Variants in MBNL2 observed in about 807,000 individuals in gnomAD.
MBNL2 encodes muscleblind like splicing regulator 2, also known as muscleblind-like protein 2.
Under a neutral mutation model 41.9 loss-of-function variants are expected in MBNL2, and 17 were observed. That is an observed-to-expected ratio of 0.41 (90% CI 0.28 to 0.61). The LOEUF (loss-of-function observed/expected upper bound fraction) is 0.61, where lower values mean the gene tolerates loss of function less well. Among genes scored for constraint, MBNL2 ranks in the 20% least tolerant of loss-of-function variants. The pLI is 0.35. For missense variants in MBNL2, 336 were observed against 505.6 expected (o/e 0.66, Z 3.22); for synonymous variants, 195 against 182.9 (o/e 1.07, Z -0.53).
the MBNL2 span, among the ~76,000 whole-genome samples, chr13:97,143,312 T>C: frequency 2.1e-4 from 32 of 152,360 alleles, no homozygotes; most frequent in East Asian, 5.4e-3. Context: ...TATTTGATCA[T>C]ACCACATAGC....
intron 2 of MBNL2, among the ~76,000 whole-genome samples, chr13:97,290,810 G>T (rs1395995999): frequency 6.6e-6 from 1 of 152,176 alleles, no homozygotes. Context: ...TTGTGATGGG[G>T]GAAGACTTTT....
chr13:97,383,521 T>C (rs983091773), intron 8 of MBNL2, among the ~76,000 whole-genome samples: 2 of 152,218 alleles, frequency 1.3e-5, no homozygotes, highest in Admixed American at 1.3e-4. Context: ...GTGGAAAATA[T>C]TGGACAGAAA....
intron 8 of MBNL2, 58 bp downstream of exon 8, chr13:97,365,229 T>C (rs758750889): frequency 3.7e-6 from 4 of 1,071,850 alleles, no homozygotes; most frequent in Middle Eastern, 2.0e-4. Context: ...TTCACTTGCT[T>C]GAAATTTATT....
At chr13:97,259,422 G>A (rs898719876) in intron 1 of MBNL2, among the ~76,000 whole-genome samples, 3 of 152,136 alleles carry the variant, frequency 2.0e-5, no homozygotes, top group Admixed American at 6.5e-5. Context: ...TCCTCAAGGC[G>A]CTGAGTGCTA....
chr13:97,244,206 A>G (rs1474029202), intron 1 of MBNL2, among the ~76,000 whole-genome samples: 2 of 152,256 alleles, frequency 1.3e-5, no homozygotes, highest in African/African-American at 2.4e-5. Flanking sequence ...AATTTCAAAT[A>G]TTATCACACA....
At chr13:97,232,851 ATGTGTGTGTGTGTGTG>A (rs34769353) in intron 1 of MBNL2, among the ~76,000 whole-genome samples, 135 of 130,582 alleles carry the variant, frequency 1.0e-3, no homozygotes, top group Admixed American at 1.8e-3. Context: ...TCTTGACGCT[ATGTGTGTGTGTGTGTG>A]TGTGTGTGTG....
intron 2 of MBNL2, among the ~76,000 whole-genome samples, chr13:97,315,074 T>C (rs2058924901): frequency 6.6e-6 from 1 of 152,210 alleles, no homozygotes; most frequent in Non-Finnish European, 1.5e-5. Flanking sequence ...CAGACAGTCA[T>C]ATATTTATTG....
chr13:97,296,778 T>G (rs183087774), intron 2 of MBNL2, among the ~76,000 whole-genome samples: 6 of 152,194 alleles, frequency 3.9e-5, no homozygotes, highest in Admixed American at 3.9e-4. Context: ...CAACAGAAGA[T>G]TTCTAGATCT....
At chr13:97,340,039 C>T (rs1410849667) in intron 3 of MBNL2, among the ~76,000 whole-genome samples, 15 of 152,194 alleles carry the variant, frequency 9.9e-5, no homozygotes. Context: ...AGTGGCTCTC[C>T]TCTAAATTGT....
chr13:97,316,652 A>G lies in MBNL2; in HGVS notation c.175-17624A>G, dbSNP rs181013365. 9.1e-4 allele frequency among the ~76,000 whole-genome samples: 139 copies of G among 152,254 alleles called. 1 individual carries two copies. Among genetic ancestry groups the G allele is most frequent in the African/African-American group, 3.3e-3 (137 of 41,524 alleles). On this transcript the variant is annotated intron_variant, in intron 2 of 8. Transcript: ENST00000679496. ...TGCCTGGGATATGCTTCATCTGGATACAGGCAGGACAACTCCCCACCTCCA... is the reference window on the plus strand; with the variant it reads ...TGCCTGGGATATGCTTCATCTGGATGCAGGCAGGACAACTCCCCACCTCCA...
At chr13:97,328,429 T>C (rs2060096416) in intron 2 of MBNL2, among the ~76,000 whole-genome samples, 1 of 152,232 alleles carries the variant, frequency 6.6e-6, no homozygotes, top group Non-Finnish European at 1.5e-5. Context: ...CCATCTGCCC[T>C]TAAACCTTAG....
chr13:97,168,708 C>T, the MBNL2 span, among the ~76,000 whole-genome samples: 8 of 152,088 alleles, frequency 5.3e-5, no homozygotes, highest in Non-Finnish European at 1.2e-4. Flanking sequence ...ATAATGTAAA[C>T]AAATAATCAC....
rs1466547005 is a variant in MBNL2 at position 97,391,429 on chromosome 13, T to A, written c.1156T>A (p.Leu386Met). 2 of 1,422,788 alleles carry A rather than the reference T, an allele frequency of 1.4e-6. No homozygotes were observed. The highest frequency in any genetic ancestry group is 2.8e-5 in the African/African-American group (2 of 71,286). 88.1% of individuals were successfully genotyped at this position (1,422,788 alleles called of 1,614,324 possible). ...TYYPVSSSIE[L>M]PQTAC ...CTATCCTGTTTCCTCCTCAATAGAA[T>A]TGCCACAAACTGCATGCTAAATAAA... is the stretch of plus-strand genomic sequence containing the variant. The change falls in exon 9 of 9, where the codon TTG (leucine) becomes ATG (methionine). Residue 386 changes from leucine (L) to methionine (M), a missense_variant. Transcript: ENST00000679496.
chr13:97,302,305 A>T (rs2057706298), intron 2 of MBNL2, among the ~76,000 whole-genome samples: 1 of 152,228 alleles, frequency 6.6e-6, no homozygotes, highest in Admixed American at 6.5e-5. Context: ...TTAGAAAGGC[A>T]TAGTGGGTAA....
chr13:97,259,483 C>T (rs2048196880), intron 1 of MBNL2, among the ~76,000 whole-genome samples: 1 of 152,170 alleles, frequency 6.6e-6, no homozygotes. Context: ...TTTTGTGCTC[C>T]CTCCTTGGTT....
the MBNL2 span, among the ~76,000 whole-genome samples, chr13:97,185,768 G>A: frequency 1.1e-4 from 16 of 152,338 alleles, no homozygotes; most frequent in Non-Finnish European, 1.6e-4. Context: ...ACTATAAGCT[G>A]TAAATGTGTG....
At chr13:97,279,115 A>G (rs532054639) in intron 2 of MBNL2, among the ~76,000 whole-genome samples, 30 of 152,364 alleles carry the variant, frequency 2.0e-4, no homozygotes, top group African/African-American at 6.7e-4. Flanking sequence ...AATAATGACA[A>G]TGATAATTAT....
At chr13:97,359,596 A>G (rs934310343) in intron 7 of MBNL2, among the ~76,000 whole-genome samples, 5 of 149,004 alleles carry the variant, frequency 3.4e-5, no homozygotes, top group African/African-American at 1.0e-4. Context: ...GATGAAATGT[A>G]TCTCATGAAG....
intron 8 of MBNL2, among the ~76,000 whole-genome samples, chr13:97,389,020 T>G (rs1041462918): frequency 6.6e-6 from 1 of 151,744 alleles, no homozygotes; most frequent in African/African-American, 2.4e-5. Context: ...CTGGCCTAGA[T>G]GCCAGGCAGC....
Sources: gnomAD v4.1 joint callset for allele counts (sites outside exome capture counted in the v4.1 genomes callset) on GRCh38, gnomAD v4.1.1 for gene constraint, MANE v1.5 for transcripts, NCBI Gene and HGNC (gene_info 2026-07-23, HGNC 2026-07-21) for gene names.